Variants in ANKRD28 observed in about 807,000 individuals in gnomAD.
The protein encoded by ANKRD28 is serine/threonine-protein phosphatase 6 regulatory ankyrin repeat subunit A.
ANKRD28 carries 44 observed loss-of-function variants against 126.5 expected under a neutral mutation model. That is an observed-to-expected ratio of 0.35 (90% confidence interval 0.27 to 0.45). The LOEUF is 0.45. ANKRD28 is among the 20% of genes least tolerant of loss of function. The probability of loss-of-function intolerance (pLI) is 1.00; values close to 1 mark genes in which losing one functional copy is unlikely to be tolerated. For missense variants in ANKRD28, 1,110 were observed against 1,316.6 expected, an observed-to-expected ratio of 0.84 and a Z score of 2.43; for synonymous variants, 442 against 468.5, an observed-to-expected ratio of 0.94 and a Z score of 0.73.
intron 6 of ANKRD28, among the ~76,000 whole-genome samples, chr3:15,729,137 C>T (rs1026900603): frequency 1.3e-5 from 2 of 152,188 alleles, no homozygotes; most frequent in African/African-American, 4.8e-5. Context: ...GTCCTAGGCC[C>T]CACTCAACTA....
chr3:15,672,054 T>C (rs999740950), intron 27 of ANKRD28, among the ~76,000 whole-genome samples: 3 of 152,194 alleles, frequency 2.0e-5, no homozygotes, highest in African/African-American at 7.2e-5. Flanking sequence ...TATACTATGG[T>C]TTAGTTATAC....
intron 21 of ANKRD28, among the ~76,000 whole-genome samples, chr3:15,683,479 C>T (rs532293505): frequency 2.0e-5 from 3 of 152,108 alleles, no homozygotes; most frequent in Non-Finnish European, 4.4e-5. Context: ...AGAAGTTAAA[C>T]CCCAAAGGTT....
intron 2 of ANKRD28, among the ~76,000 whole-genome samples, chr3:15,787,304 G>T (rs1348981): frequency 0.68 from 104,075 of 152,084 alleles, 35,996 homozygotes; most frequent in East Asian, 0.93. Flanking sequence ...AGGACCATCA[G>T]AGTAATCATT....
At chr3:15,678,074 G>C in intron 24 of ANKRD28, 135 bp downstream of exon 24, 6 of 859,060 alleles carry the variant, frequency 7.0e-6, no homozygotes, top group Non-Finnish European at 8.5e-6. Flanking sequence ...TGAAAATGTG[G>C]ATTGCAAACA....
chr3:15,771,325 G>C (rs532842085), intron 2 of ANKRD28, among the ~76,000 whole-genome samples: 1 of 150,572 alleles, frequency 6.6e-6, no homozygotes, highest in Admixed American at 6.7e-5. Flanking sequence ...CAGCAGAATC[G>C]CTTGAACCTG....
At chr3:15,848,960 T>C (rs66906920) in intron 1 of ANKRD28, among the ~76,000 whole-genome samples, 20,283 of 152,200 alleles carry the variant, frequency 0.13, 2,052 homozygotes, top group East Asian at 0.56. Flanking sequence ...ACTAAAAAAG[T>C]ATTAGTGCTA....
intron 1 of ANKRD28, among the ~76,000 whole-genome samples, chr3:15,852,832 C>CAAAA (rs71064237): frequency 1.6e-3 from 103 of 63,662 alleles, no homozygotes; most frequent in African/African-American, 2.1e-3. Flanking sequence ...GACTCTGTCT[C>CAAAA]AAAAAAAAAA....
At chr3:15,725,651 T>A (rs961935493) in intron 6 of ANKRD28, among the ~76,000 whole-genome samples, 1 of 152,212 alleles carries the variant, frequency 6.6e-6, no homozygotes, top group Non-Finnish European at 1.5e-5. Context: ...TATTTCAAAC[T>A]TTTTCAATGT....
chr3:15,740,413 T>C (rs1430174354), intron 4 of ANKRD28, among the ~76,000 whole-genome samples: 1 of 152,208 alleles, frequency 6.6e-6, no homozygotes, highest in Non-Finnish European at 1.5e-5. Context: ...AATACATATA[T>C]GAATACTCAC....
At chr3:15,840,906 C>A (rs946638731) in intron 1 of ANKRD28, among the ~76,000 whole-genome samples, 2 of 152,028 alleles carry the variant, frequency 1.3e-5, no homozygotes, top group African/African-American at 4.8e-5. Flanking sequence ...TTTGGGAGGC[C>A]GAGGTGGGCG....
chr3:15,700,302 G>A (rs888331854), intron 14 of ANKRD28, among the ~76,000 whole-genome samples: 4 of 152,022 alleles, frequency 2.6e-5, no homozygotes, highest in Non-Finnish European at 5.9e-5. Context: ...TGTCCGGGGT[G>A]GGGGCCTGGG....
intron 6 of ANKRD28, among the ~76,000 whole-genome samples, chr3:15,727,421 G>C (rs951751928): frequency 2.6e-5 from 4 of 151,964 alleles, no homozygotes; most frequent in African/African-American, 9.7e-5. Flanking sequence ...ACAAAAATTA[G>C]CCAGGTGTGG....
At chr3:15,756,311 G>C (rs1197656035) in intron 3 of ANKRD28, among the ~76,000 whole-genome samples, 5 of 152,334 alleles carry the variant, frequency 3.3e-5, no homozygotes, top group African/African-American at 1.2e-4. Flanking sequence ...GGAAAACCCA[G>C]CTAATCAGTT....
In ANKRD28 at chr3:15,846,180, C is replaced by T. The variant is rs566284594; in HGVS notation, c.27+13197G>A. 2.6e-5 allele frequency among the ~76,000 whole-genome samples: 4 copies of T among 152,144 alleles called. No homozygotes were observed. Among genetic ancestry groups the T allele is most frequent in the South Asian group, 2.1e-4 (1 of 4,824 alleles). ...AGACAAGGCAAGTCTCTTCCATCTA[C>T]GAGTCTGTAAAATAAAAAACAAGTT... On this transcript the variant is annotated intron_variant, in intron 1 of 27. Transcript: ENST00000399451. This position sits in a 1 kb window ranked among gnomAD's most constrained non-coding sequence, Gnocchi z 5.4.
intron 2 of ANKRD28, among the ~76,000 whole-genome samples, chr3:15,778,922 G>T (rs2059419771): frequency 6.6e-6 from 1 of 152,156 alleles, no homozygotes; most frequent in Non-Finnish European, 1.5e-5. Flanking sequence ...AGATCTGATG[G>T]TTGTATAAGT....
intron 1 of ANKRD28, among the ~76,000 whole-genome samples, chr3:15,844,541 G>A (rs1402638361): frequency 6.6e-6 from 1 of 152,164 alleles, no homozygotes; most frequent in Non-Finnish European, 1.5e-5. Flanking sequence ...ATGTGATTTT[G>A]TAATGGATCT....
At chr3:15,716,931 T>C (rs377623847) in intron 8 of ANKRD28, among the ~76,000 whole-genome samples, 16 of 152,152 alleles carry the variant, frequency 1.1e-4, no homozygotes, top group East Asian at 5.8e-4. Context: ...CACTGCACTC[T>C]GGGCTGGTCA....
At chr3:15,848,389 C>A (rs2061570103) in intron 1 of ANKRD28, among the ~76,000 whole-genome samples, 1 of 152,256 alleles carries the variant, frequency 6.6e-6, no homozygotes, top group East Asian at 1.9e-4. Context: ...AAGAAGCTAA[C>A]AATAGCTGAA....
intron 1 of ANKRD28, among the ~76,000 whole-genome samples, chr3:15,849,787 T>TA (rs1257791242): frequency 6.6e-6 from 1 of 152,222 alleles, no homozygotes; most frequent in African/African-American, 2.4e-5. Flanking sequence ...ATTCTTTGTC[T>TA]AAAAAGTATA....
Sources: allele counts gnomAD v4.1 joint callset (sites outside exome capture counted in the v4.1 genomes callset), GRCh38; gene constraint gnomAD v4.1.1; non-coding constraint Gnocchi (gnomAD v3.1); transcripts MANE v1.5; gene names NCBI Gene and HGNC (gene_info 2026-07-23, HGNC 2026-07-21).